ZNF180: variants seen among roughly 807,000 people sequenced by gnomAD.
The protein encoded by ZNF180 is zinc finger protein 180 (HHZ168).
ZNF180 carries 11 observed loss-of-function variants against 11.8 expected under a neutral mutation model. The observed-to-expected ratio is 0.93, with a 90% CI of 0.59 to 1.55. ZNF180 has a LOEUF of 1.55. ZNF180 is among the 40% of genes most tolerant of loss of function. The probability of loss-of-function intolerance (pLI) is 0.00; values close to 1 mark genes in which losing one functional copy is unlikely to be tolerated. For missense variants in ZNF180, 773 were observed against 781.7 expected (o/e 0.99, Z 0.13); for synonymous variants, 287 against 257.7 (o/e 1.11, Z -1.09).
At chr19:44,492,625 CA>C (rs1386312144) in intron 2 of ZNF180, among the ~76,000 whole-genome samples, 4 of 151,454 alleles carry the variant, frequency 2.6e-5, no homozygotes, top group Non-Finnish European at 5.9e-5. Flanking sequence ...AGACAGTGGT[CA>C]AATCAGACCT....
At chr19:44,478,641 G>A (rs865930766) in intron 4 of ZNF180, among the ~76,000 whole-genome samples, 161 of 152,300 alleles carry the variant, frequency 1.1e-3, no homozygotes, top group African/African-American at 3.7e-3. Context: ...AAGGAATGGG[G>A]CATTATTATC....
chr19:44,495,546 ACCCCACT>A lies in ZNF180; in HGVS notation c.51+1731_51+1737del, dbSNP rs1392079072. ...GACCCCCAACACAGGTGCACATCTC[ACCCCACT>A]CTGGCTCCAACACCCCATCTACCAT... On this transcript the variant is annotated intron_variant, in intron 2 of 4. Coordinates refer to ENST00000592529, the MANE Select transcript of ZNF180 (RefSeq NM_001278509.3). This position sits in a 1 kb window ranked among gnomAD's most constrained non-coding sequence, Gnocchi z 4.5. 2.6e-5 allele frequency among the ~76,000 whole-genome samples: 4 copies of A among 151,290 alleles called. No homozygotes were observed. The highest frequency in any genetic ancestry group is 4.4e-5 in the Non-Finnish European group (3 of 67,838).
At chr19:44,498,451 C>T (rs898238804) in intron 1 of ZNF180, among the ~76,000 whole-genome samples, 3 of 152,178 alleles carry the variant, frequency 2.0e-5, no homozygotes, top group Non-Finnish European at 2.9e-5. Context: ...GTTTCCTCCA[C>T]CTTACTCCAC....
chr19:44,477,809 A>G lies in ZNF180; in HGVS notation c.591T>C (p.Ala197=). The G allele has an allele frequency of 6.2e-7, 1 of 1,613,878 alleles. No homozygotes were observed. Among genetic ancestry groups the G allele is most frequent in the Admixed American group, 1.7e-5 (1 of 60,008 alleles). ...CAGCAGCATTAAGATGCCATTTTTT[A>G]GCATGTGATACATGTTTATGAAAAT... The part of the protein sequence containing the change: ...RNHFHKHVSH[A]KKWHLNAAVN... The change falls in exon 5 of 5, where the codon GCT becomes GCC. Residue 197 remains alanine (A), a synonymous_variant. Coordinates refer to ENST00000592529, the MANE Select transcript of ZNF180 (RefSeq NM_001278509.3).
chr19:44,480,967 CAA>C (rs1353589136), intron 3 of ZNF180, among the ~76,000 whole-genome samples: 2 of 152,114 alleles, frequency 1.3e-5, no homozygotes, highest in Non-Finnish European at 2.9e-5. Context: ...TCTCAGTCTT[CAA>C]ATAACAGTTC....
intron 2 of ZNF180, among the ~76,000 whole-genome samples, chr19:44,489,082 CGCCCCGTCCGGG>C (rs1970340195): frequency 2.2e-5 from 3 of 135,576 alleles, no homozygotes; most frequent in Non-Finnish European, 4.8e-5. Context: ...CCCGGCCAGC[CGCCCCGTCCGGG>C]AGGGAGGTGG....
chr19:44,487,419 A>C (rs137896084), intron 2 of ZNF180, among the ~76,000 whole-genome samples: 1 of 152,358 alleles, frequency 6.6e-6, no homozygotes, highest in African/African-American at 2.4e-5. Context: ...CACATACTAC[A>C]ACAGTTAAAC....
intron 2 of ZNF180, among the ~76,000 whole-genome samples, chr19:44,489,879 A>AAGAGAGAG (rs923211587): frequency 8.5e-6 from 1 of 117,052 alleles, no homozygotes; most frequent in Admixed American, 8.7e-5. Flanking sequence ...AAGAGAGAGA[A>AAGAGAGAG]AGAGAGAGAG....
chr19:44,482,850 G>C (rs1222923953), intron 3 of ZNF180, among the ~76,000 whole-genome samples: 1 of 152,208 alleles, frequency 6.6e-6, no homozygotes, highest in Non-Finnish European at 1.5e-5. Context: ...GACCAAGGGA[G>C]TCAGAGAAAT....
At chr19:44,494,456 G>C (rs1341536061) in intron 2 of ZNF180, among the ~76,000 whole-genome samples, 1 of 152,154 alleles carries the variant, frequency 6.6e-6, no homozygotes, top group Admixed American at 6.5e-5. Context: ...CATGATCCCA[G>C]GAGTTCGAGA....
At chr19:44,478,226 GA>G in intron 4 of ZNF180, 80 bp from the exon 5 acceptor site, 1 of 1,372,770 alleles carries the variant, frequency 7.3e-7, no homozygotes, top group South Asian at 1.6e-5. Context: ...AAGAAAGTAT[GA>G]AAAATATATA....
Position 44,476,735 on chromosome 19 carries a change from A to C in ZNF180, c.1665T>G (p.Cys555Trp). The C allele has an allele frequency of 1.2e-6, 2 of 1,614,172 alleles. No homozygotes were observed. Among genetic ancestry groups the C allele is most frequent in the Non-Finnish European group, 1.7e-6 (2 of 1,180,008 alleles). ...CATAACTCTGGCTGAAGGATTTCCCACACTGATTACATTCATACGGTTTTT... is the reference window on the plus strand; with the variant it reads ...CATAACTCTGGCTGAAGGATTTCCCCCACTGATTACATTCATACGGTTTTT... ...TGEKPYECNQCGKSFSQSYVL... is the reference protein window; with the variant it reads ...TGEKPYECNQWGKSFSQSYVL... The change falls in exon 5 of 5, where the codon TGT becomes TGG. Residue 555 changes from cysteine to tryptophan, a missense_variant. Coordinates refer to ENST00000592529, the MANE Select transcript of ZNF180 (RefSeq NM_001278509.3).
chr19:44,478,170 T>A, intron 4 of ZNF180, 24 bp from the exon 5 acceptor site: 1 of 1,508,858 alleles, frequency 6.6e-7, no homozygotes, highest in Non-Finnish European at 8.8e-7. Flanking sequence ...ATATAAGACA[T>A]CTTAGTCAAA....
chr19:44,497,205 A>G, intron 2 of ZNF180, 79 bp downstream of exon 2: 2 of 1,310,614 alleles, frequency 1.5e-6, no homozygotes, highest in Non-Finnish European at 2.0e-6. Flanking sequence ...GGCTGCAAAG[A>G]GAGTCAGGGA....
At chr19:44,481,828 TC>T (rs950576437) in intron 3 of ZNF180, among the ~76,000 whole-genome samples, 3 of 152,110 alleles carry the variant, frequency 2.0e-5, no homozygotes, top group African/African-American at 7.2e-5. Flanking sequence ...ATTTAAGTCA[TC>T]CCCCCTCACC....
chr19:44,484,533 C>T, intron 2 of ZNF180, 98 bp from the exon 3 acceptor site: 1 of 804,178 alleles, frequency 1.2e-6, no homozygotes, highest in Non-Finnish European at 2.1e-6. Flanking sequence ...TGACATACCA[C>T]CTATTTTAAC....
rs113511478 is a variant in ZNF180 at position 44,500,493 on chromosome 19, G to T, written c.-262C>A. 2 of 547,392 alleles carry T rather than the reference G, an allele frequency of 3.7e-6. No individual in the cohort carries two copies. The highest frequency in any genetic ancestry group is 6.5e-6 in the Non-Finnish European group (2 of 308,306). The allele number at this position is 547,392 out of a possible 1,614,324, so 33.9% of individuals were successfully genotyped here. ...GCCGAGCTGCTCGGCGACAGCAAGCGTCCGCGCGCGGGACAATGGCTGCTC... is the reference window on the plus strand; with the variant it reads ...GCCGAGCTGCTCGGCGACAGCAAGCTTCCGCGCGCGGGACAATGGCTGCTC... On this transcript the variant is annotated 5_prime_UTR_variant, in exon 1 of 5. Transcript: ENST00000592529.
Position 44,492,310 on chromosome 19 carries a change from G to A in ZNF180, c.51+4974C>T, listed in dbSNP as rs117730558. Among the ~76,000 whole-genome samples the A allele has an allele frequency of 2.6e-3, 389 of 152,340 alleles. 2 individuals are homozygous for A. Among genetic ancestry groups the A allele is most frequent in the Middle Eastern group, 0.02 (6 of 294 alleles). ...TTTGACAAGACTAGAGACACGTGCAGAGTTTGGGACATAGGAATAGAATTA... is the reference window on the plus strand; with the variant it reads ...TTTGACAAGACTAGAGACACGTGCAAAGTTTGGGACATAGGAATAGAATTA... On this transcript the variant is annotated intron_variant, in intron 2 of 4. Coordinates refer to ENST00000592529, the MANE Select transcript of ZNF180 (RefSeq NM_001278509.3).
At chr19:44,482,578 T>C (rs1034286740) in intron 3 of ZNF180, among the ~76,000 whole-genome samples, 3 of 149,514 alleles carry the variant, frequency 2.0e-5, no homozygotes, top group East Asian at 4.1e-4. Flanking sequence ...CCCCACCCCA[T>C]TCACTGAAGA....
Sources: allele counts gnomAD v4.1 joint callset (sites outside exome capture counted in the v4.1 genomes callset), GRCh38; gene constraint gnomAD v4.1.1; non-coding constraint Gnocchi (gnomAD v3.1); transcripts MANE v1.5; gene names NCBI Gene and HGNC (gene_info 2026-07-23, HGNC 2026-07-21).